The following FUT8 variants were observed in gnomAD, a reference collection of about 807,000 sequenced individuals.
FUT8 encodes fucosyltransferase 8.
Under a neutral mutation model 71.3 loss-of-function variants are expected in FUT8, and 29 were observed. The observed-to-expected ratio is 0.41, with a 90% CI of 0.30 to 0.55. The LOEUF is 0.55. Among genes scored for constraint, FUT8 ranks in the 20% least tolerant of loss-of-function variants. The pLI is 0.34. For synonymous variants in FUT8, 254 were observed against 239.3 expected, an observed-to-expected ratio of 1.06 and a Z score of -0.57; for missense variants, 544 against 702.1, an observed-to-expected ratio of 0.77 and a Z score of 2.55.
intron 2 of FUT8, among the ~76,000 whole-genome samples, chr14:65,542,062 T>A (rs748379699): frequency 5.9e-5 from 9 of 152,210 alleles, no homozygotes; most frequent in Non-Finnish European, 1.2e-4. Flanking sequence ...GGGATAATAA[T>A]ACCTACCTAC....
chr14:65,677,213 T>C (rs558476721), intron 7 of FUT8, among the ~76,000 whole-genome samples: 123 of 150,326 alleles, frequency 8.2e-4, no homozygotes, highest in African/African-American at 2.8e-3. Flanking sequence ...TAATAGACTT[T>C]ATTACTCATG....
At chr14:65,430,012 CTTTT>C (rs918699376) in intron 1 of FUT8, among the ~76,000 whole-genome samples, 2 of 124,152 alleles carry the variant, frequency 1.6e-5, no homozygotes, top group Admixed American at 8.8e-5. Context: ...TTGCAAGAAT[CTTTT>C]TTTGTTTTTG....
upstream of FUT8, chr14:65,412,253 C>A (rs1354944124): frequency 4.4e-6 from 2 of 456,664 alleles, no homozygotes; most frequent in Non-Finnish European, 8.8e-6. Context: ...AGTCAAGCGG[C>A]CAAATGCGGG....
intron 2 of FUT8, among the ~76,000 whole-genome samples, chr14:65,497,492 A>T (rs2066577531): frequency 6.6e-6 from 1 of 152,172 alleles, no homozygotes; most frequent in Non-Finnish European, 1.5e-5. Flanking sequence ...TTTTTGAATC[A>T]TCTTTTTAAT....
chr14:65,467,571 G>A lies in FUT8; in HGVS notation c.-228+11853G>A, dbSNP rs968121728. On this transcript the variant is annotated intron_variant, in intron 2 of 10. Coordinates refer to ENST00000673929, the MANE Select transcript of FUT8 (RefSeq NM_001371533.1). The surrounding 1 kb of genome is among the most constrained non-coding windows in gnomAD (Gnocchi z 4.1). ...GGCTCACTGCAACCTCCACCTCCTG[G>A]GTTCAAGCGATCCTCCTGCCTCAGC... Among the ~76,000 whole-genome samples the A allele has an allele frequency of 6.6e-6, 1 of 152,150 alleles. No homozygotes were observed. The highest frequency in any genetic ancestry group is 1.5e-5 in the Non-Finnish European group (1 of 68,034).
chr14:65,655,519 A>G (rs905945976), intron 6 of FUT8, among the ~76,000 whole-genome samples: 2 of 151,936 alleles, frequency 1.3e-5, no homozygotes, highest in Non-Finnish European at 2.9e-5. Flanking sequence ...TTAATCTCAG[A>G]CAGAATAGAC....
At chr14:65,395,255 G>A in the FUT8 span, among the ~76,000 whole-genome samples, 7 of 152,180 alleles carry the variant, frequency 4.6e-5, no homozygotes, top group Non-Finnish European at 7.3e-5. Flanking sequence ...TGGATCTACC[G>A]TTCTGGGATC....
intron 2 of FUT8, among the ~76,000 whole-genome samples, chr14:65,538,778 G>A (rs976204040): frequency 6.6e-6 from 1 of 151,934 alleles, no homozygotes. Flanking sequence ...AAGTTAAGTG[G>A]GTGTGGTGGC....
intron 7 of FUT8, among the ~76,000 whole-genome samples, chr14:65,705,475 G>T (rs898335026): frequency 6.6e-6 from 1 of 152,094 alleles, no homozygotes; most frequent in East Asian, 1.9e-4. Flanking sequence ...TCCCTCTAAA[G>T]GTCTCACCAT....
At chr14:65,730,745 T>C (rs1336996334) in intron 9 of FUT8, among the ~76,000 whole-genome samples, 2 of 152,316 alleles carry the variant, frequency 1.3e-5, no homozygotes, top group East Asian at 3.9e-4. Context: ...ATTGCTATTG[T>C]GGCGATCTCT....
intron 1 of FUT8, among the ~76,000 whole-genome samples, chr14:65,436,880 C>A (rs2065570390): frequency 6.6e-6 from 1 of 152,040 alleles, no homozygotes; most frequent in Non-Finnish European, 1.5e-5. Context: ...CCAAATGATG[C>A]ATTTAAAAAG....
At chr14:65,707,943 A>G (rs748418914) in intron 7 of FUT8, among the ~76,000 whole-genome samples, 2 of 152,046 alleles carry the variant, frequency 1.3e-5, no homozygotes, top group Non-Finnish European at 2.9e-5. Context: ...TGCCTTGACT[A>G]TTTGGGTTTT....
At chr14:65,625,830 G>A (rs538081577) in intron 5 of FUT8, among the ~76,000 whole-genome samples, 8 of 152,122 alleles carry the variant, frequency 5.3e-5, no homozygotes, top group South Asian at 4.1e-4. Flanking sequence ...CTATTATCAC[G>A]TATTCTCTGT....
chr14:65,659,966 TA>T (rs1349271684), intron 6 of FUT8, among the ~76,000 whole-genome samples: 1 of 152,162 alleles, frequency 6.6e-6, no homozygotes, highest in Non-Finnish European at 1.5e-5. Flanking sequence ...GGTATAAACT[TA>T]CAGAGAAAAG....
At chr14:65,504,766 C>CTGG (rs1207089640) in intron 2 of FUT8, among the ~76,000 whole-genome samples, 1 of 151,994 alleles carries the variant, frequency 6.6e-6, no homozygotes. Context: ...GTTGGCCAGG[C>CTGG]TGGTCTCAAA....
intron 1 of FUT8, among the ~76,000 whole-genome samples, chr14:65,429,861 CAAAA>C (rs58941594): frequency 4.4e-4 from 36 of 81,026 alleles, no homozygotes; most frequent in African/African-American, 1.7e-3. Context: ...GAGACTGTCT[CAAAA>C]AAAAAAAAAA....
intron 3 of FUT8, 28 bp from the exon 4 acceptor site, chr14:65,615,950 T>A: frequency 6.7e-7 from 1 of 1,488,422 alleles, no homozygotes; most frequent in Non-Finnish European, 9.3e-7. Context: ...GAAAGCTAAA[T>A]GTTTACATTA....
intron 3 of FUT8, among the ~76,000 whole-genome samples, chr14:65,570,044 G>A (rs1370405785): frequency 6.6e-6 from 1 of 152,008 alleles, no homozygotes; most frequent in Non-Finnish European, 1.5e-5. Flanking sequence ...CTTGCTCCAT[G>A]TAGCATCTAA....
chr14:65,624,777 T>C (rs1035163797), intron 5 of FUT8, among the ~76,000 whole-genome samples: 1 of 152,234 alleles, frequency 6.6e-6, no homozygotes, highest in African/African-American at 2.4e-5. Context: ...GATACTGTTA[T>C]TTAAAACTGA....
Sources: gnomAD v4.1 joint callset for allele counts (sites outside exome capture counted in the v4.1 genomes callset) on GRCh38, gnomAD v4.1.1 for gene constraint, Gnocchi (gnomAD v3.1) non-coding constraint, MANE v1.5 for transcripts, NCBI Gene and HGNC (gene_info 2026-07-23, HGNC 2026-07-21) for gene names.